M1AP: variants seen among roughly 807,000 people sequenced by gnomAD.
The protein encoded by M1AP is meiosis 1 arrest protein.
M1AP carries 39 observed loss-of-function variants against 51.2 expected under a neutral mutation model. That is an observed-to-expected ratio of 0.76 (90% CI 0.59 to 1.00). M1AP has a LOEUF of 1.00. Ranked by LOEUF, M1AP falls within the 50% of genes least tolerant of loss-of-function variation. The pLI is 0.00. For synonymous variants in M1AP, 251 were observed against 249.2 expected (o/e 1.01, Z -0.07); for missense variants, 545 against 641.2 (o/e 0.85, Z 1.62).
intron 2 of M1AP, among the ~76,000 whole-genome samples, chr2:74,621,433 C>T (rs977818585): frequency 6.6e-5 from 10 of 152,098 alleles, no homozygotes; most frequent in African/African-American, 2.4e-4. Context: ...GACGTGGCTA[C>T]TCTAACTGAA....
At chr2:74,602,206 G>GT (rs990544901) in intron 4 of M1AP, among the ~76,000 whole-genome samples, 13 of 149,890 alleles carry the variant, frequency 8.7e-5, no homozygotes, top group East Asian at 2.0e-4. Flanking sequence ...CAAATCATTT[G>GT]TTTTTTTTTC....
chr2:74,616,624 G>A (rs1029541882), intron 2 of M1AP, among the ~76,000 whole-genome samples: 2 of 152,078 alleles, frequency 1.3e-5, no homozygotes, highest in Non-Finnish European at 2.9e-5. Context: ...ATCTAAAACA[G>A]CTATATTTTG....
chr2:74,641,395 C>A (rs1683288588), intron 1 of M1AP, among the ~76,000 whole-genome samples: 1 of 152,128 alleles, frequency 6.6e-6, no homozygotes, highest in African/African-American at 2.4e-5. Context: ...GACATCATCA[C>A]AAATGCTCAA....
At chr2:74,580,587 C>T (rs1679343200) in intron 5 of M1AP, among the ~76,000 whole-genome samples, 1 of 152,140 alleles carries the variant, frequency 6.6e-6, no homozygotes, top group African/African-American at 2.4e-5. Flanking sequence ...AAAGCCCTCC[C>T]CTGTCCTAAA....
chr2:74,600,297 G>C (rs563319691), intron 4 of M1AP, among the ~76,000 whole-genome samples: 1 of 152,298 alleles, frequency 6.6e-6, no homozygotes, highest in Non-Finnish European at 1.5e-5. Context: ...TGAACAGTAA[G>C]TATTCAGTAA....
chr2:74,648,177 C>G (rs997677276), intron 1 of M1AP, 88 bp downstream of exon 1: 1 of 957,644 alleles, frequency 1.0e-6, no homozygotes. Context: ...AGGACTGGCC[C>G]GAGCTCGGCC....
chr2:74,614,845 G>C (rs998835812), intron 3 of M1AP, 119 bp downstream of exon 3: 6 of 901,278 alleles, frequency 6.7e-6, no homozygotes, highest in Non-Finnish European at 1.0e-5. Context: ...TGAAAATCTT[G>C]CTTTGAATAT....
In M1AP at chr2:74,631,985, G is replaced by C. The variant is rs560634303; in HGVS notation, c.240+8051C>G. Among the ~76,000 whole-genome samples, 9 of 152,322 alleles carry C rather than the reference G, an allele frequency of 5.9e-5. No individual in the cohort carries two copies. The South Asian group carries it at 1.9e-3, about 32-fold the overall frequency. On this transcript the variant is annotated intron_variant, in intron 2 of 10. Transcript: ENST00000421985. ...TATAGGTCAGTGACAATGGATTTAA[G>C]GTCATGTTTTTCCGTAAGCAAAGAT...
At chr2:74,561,169 A>AGGAGGAGGAGGAGG (rs1677946357) in intron 8 of M1AP, among the ~76,000 whole-genome samples, 1 of 26,546 alleles carries the variant, frequency 3.8e-5, no homozygotes. Flanking sequence ...GGAGGAGGAG[A>AGGAGGAGGAGGAGG]AGGAGGAGGA....
chr2:74,622,626 A>C (rs1273463214), intron 2 of M1AP, among the ~76,000 whole-genome samples: 11 of 148,154 alleles, frequency 7.4e-5, no homozygotes, highest in Non-Finnish European at 1.5e-4. Context: ...TTACATATCT[A>C]GTAAATGGTG....
At chr2:74,593,674 C>A (rs548665418) in intron 4 of M1AP, among the ~76,000 whole-genome samples, 28 of 152,200 alleles carry the variant, frequency 1.8e-4, no homozygotes, top group Non-Finnish European at 3.4e-4. Flanking sequence ...AGCCACCATG[C>A]CTGGCCTGAA....
intron 4 of M1AP, among the ~76,000 whole-genome samples, chr2:74,605,146 A>G (rs1243531750): frequency 6.6e-6 from 1 of 152,176 alleles, no homozygotes; most frequent in African/African-American, 2.4e-5. Context: ...GGAAGTATGA[A>G]TTGGTATGAT....
At position 74,562,343 on chromosome 2, in the gene M1AP, A is replaced by G. The variant is rs767262447; in HGVS notation, c.1155T>C (p.Tyr385=). Residue 385 remains tyrosine, a synonymous_variant, in exon 8 of 11, where the codon TAT becomes TAC. Coordinates refer to ENST00000421985, the MANE Select transcript of M1AP (RefSeq NM_001321739.2). ...TGAGGGAGTGTGACGGCATGATCAC[A>G]TAGAAGGTGCTGGCAGGAATTCTCT... The part of the protein sequence containing the change: ...HSQRIPASTF[Y]VIMPSHSLTL... The G allele has an allele frequency of 1.2e-6, 2 of 1,614,228 alleles. No individual in the cohort carries two copies. The highest frequency in any genetic ancestry group is 1.1e-5 in the South Asian group (1 of 91,088).
At chr2:74,592,221 A>G (rs575117863) in intron 4 of M1AP, among the ~76,000 whole-genome samples, 1 of 152,284 alleles carries the variant, frequency 6.6e-6, no homozygotes, top group African/African-American at 2.4e-5. Flanking sequence ...TTAGATTCCT[A>G]GAAGTGGGGC....
At position 74,640,248 on chromosome 2, in the gene M1AP, C is replaced by T. The variant is rs757829102; in HGVS notation, c.28G>A (p.Gly10Arg). MHPGRTTGK[G>R]PSTHTQIDQQ... ...TCAATCTGAGTGTGAGTAGAGGGCC[C>T]TTTACCAGTAGTTCGCCCAGGATGC... Residue 10 changes from glycine (G) to arginine (R), a missense_variant, in exon 2 of 11, where the codon GGG becomes AGG. Physicochemically the swap from Gly to Arg is moderately radical, Grantham distance 125. Transcript: ENST00000421985. 6.2e-7 allele frequency: 1 copy of T among 1,614,100 alleles called. No homozygotes were observed. Among genetic ancestry groups the T allele is most frequent in the Non-Finnish European group, 8.5e-7 (1 of 1,179,992 alleles).
intron 4 of M1AP, among the ~76,000 whole-genome samples, chr2:74,593,724 G>T (rs1188127040): frequency 6.6e-6 from 1 of 152,186 alleles, no homozygotes; most frequent in Non-Finnish European, 1.5e-5. Flanking sequence ...TCTGCAGAAT[G>T]AACAAAAGTA....
At chr2:74,615,972 C>T (rs940957647) in intron 2 of M1AP, 5 of 152,154 alleles carry the variant, frequency 3.3e-5, no homozygotes, top group African/African-American at 7.2e-5. Context: ...CACATAAAAT[C>T]CATGAGCATG....
At chr2:74,634,373 A>C (rs1172493361) in intron 2 of M1AP, among the ~76,000 whole-genome samples, 2 of 152,226 alleles carry the variant, frequency 1.3e-5, no homozygotes, top group African/African-American at 4.8e-5. Flanking sequence ...ACTTGACTTA[A>C]GGTGTTAGTA....
At chr2:74,564,745 T>C (rs1328023439) in intron 7 of M1AP, among the ~76,000 whole-genome samples, 1 of 152,170 alleles carries the variant, frequency 6.6e-6, no homozygotes, top group Non-Finnish European at 1.5e-5. Context: ...GACCTGCCCC[T>C]GCTCTGAGGA....
Sources: gnomAD v4.1 joint callset for allele counts (sites outside exome capture counted in the v4.1 genomes callset) on GRCh38, gnomAD v4.1.1 for gene constraint, MANE v1.5 for transcripts, NCBI Gene and HGNC (gene_info 2026-07-23, HGNC 2026-07-21) for gene names.